The following TNRC6B variants were observed in gnomAD, a reference collection of about 807,000 sequenced individuals.
The protein encoded by TNRC6B is trinucleotide repeat containing adaptor 6B.
TNRC6B carries 52 observed loss-of-function variants against 203.6 expected under a neutral mutation model. The ratio of observed to expected loss-of-function variants is 0.26; its 90% CI spans 0.20 to 0.32. The LOEUF is 0.32. Ranked by LOEUF, TNRC6B falls within the 10% of genes least tolerant of loss-of-function variation. TNRC6B has a pLI of 1.00. For missense variants in TNRC6B, 1,923 were observed against 2,286.2 expected, an observed-to-expected ratio of 0.84 and a Z score of 3.24; for synonymous variants, 838 against 845.7, an observed-to-expected ratio of 0.99 and a Z score of 0.16.
intron 4 of TNRC6B, among the ~76,000 whole-genome samples, chr22:40,156,374 G>C (rs903104969): frequency 3.9e-5 from 6 of 152,282 alleles, no homozygotes; most frequent in Non-Finnish European, 2.9e-5. Flanking sequence ...GAAAGTTAGC[G>C]TTACAGTTTT....
intron 2 of TNRC6B, 83 bp from the exon 3 acceptor site, chr22:40,251,096 G>T (rs1378244550): frequency 3.4e-6 from 4 of 1,182,444 alleles, no homozygotes; most frequent in South Asian, 1.6e-5. Context: ...TGGATTACTT[G>T]AGTTATCAGA....
At chr22:40,274,463 C>T (rs1295524281) in intron 7 of TNRC6B, among the ~76,000 whole-genome samples, 1 of 151,288 alleles carries the variant, frequency 6.6e-6, no homozygotes, top group Non-Finnish European at 1.5e-5. Context: ...CTCTGTCGCC[C>T]AGGCTGGACT....
chr22:40,226,552 G>A (rs538587009), intron 1 of TNRC6B, among the ~76,000 whole-genome samples: 9 of 152,264 alleles, frequency 5.9e-5, no homozygotes, highest in African/African-American at 9.6e-5. Context: ...TTCTTAAAGC[G>A]TAGATCTGGA....
At chr22:40,277,190 CTT>C in intron 8 of TNRC6B, 39 bp downstream of exon 8, 1 of 1,494,922 alleles carries the variant, frequency 6.7e-7, no homozygotes, top group Non-Finnish European at 9.1e-7. Context: ...CGTATCCCAA[CTT>C]TTAGGTTTAA....
At chr22:40,144,987 T>A (rs1325005023) in intron 3 of TNRC6B, among the ~76,000 whole-genome samples, 1 of 150,150 alleles carries the variant, frequency 6.7e-6, no homozygotes, top group Non-Finnish European at 1.5e-5. Flanking sequence ...ATCCCAGCAC[T>A]TTGGGAGGCC....
rs150597642 is a variant in TNRC6B, at chr22:40,223,375, G to A, written c.6-22640G>A. On this transcript the variant is annotated intron_variant, in intron 1 of 22. Coordinates refer to ENST00000454349, the MANE Select transcript of TNRC6B (RefSeq NM_001162501.2). ...AGGCTGGACTTGAACTCTTGACCTC[G>A]TGATCCGCCTGCCTTGACCTCCCAA... 5.9e-4 allele frequency among the ~76,000 whole-genome samples: 90 copies of A among 152,264 alleles called. 1 individual carries two copies. The highest frequency in any genetic ancestry group is 1.0e-4 in the Non-Finnish European group (7 of 68,024).
At chr22:40,271,010 GTC>G in intron 6 of TNRC6B, among the ~76,000 whole-genome samples, 1 of 152,308 alleles carries the variant, frequency 6.6e-6, no homozygotes, top group Admixed American at 6.5e-5. Context: ...CTTTGCCGTT[GTC>G]TCTCTTCCAC....
intron 3 of TNRC6B, among the ~76,000 whole-genome samples, chr22:40,150,230 T>A (rs982963008): frequency 2.0e-5 from 3 of 151,906 alleles, no homozygotes; most frequent in African/African-American, 4.8e-5. Flanking sequence ...TACAAAAAAT[T>A]AGCCAGGCGT....
intron 2 of TNRC6B, among the ~76,000 whole-genome samples, chr22:40,117,817 C>T (rs2068404061): frequency 6.6e-6 from 1 of 152,018 alleles, no homozygotes; most frequent in Non-Finnish European, 1.5e-5. Context: ...ATTCTAAGAG[C>T]ACCTGTTGTT....
intron 1 of TNRC6B, among the ~76,000 whole-genome samples, chr22:40,094,099 TTAAAAA>T (rs1240415770): frequency 2.0e-5 from 3 of 152,114 alleles, no homozygotes; most frequent in Non-Finnish European, 4.4e-5. Context: ...CTCATAATAA[TTAAAAA>T]TAAAAAAAAT....
At chr22:40,143,991 A>C (rs1468845258) in intron 3 of TNRC6B, among the ~76,000 whole-genome samples, 1 of 152,238 alleles carries the variant, frequency 6.6e-6, no homozygotes, top group South Asian at 2.1e-4. Flanking sequence ...ATTCATGAGC[A>C]AAATACAAAT....
At chr22:40,300,043 TCTTA>T (rs2071001557) in intron 12 of TNRC6B, among the ~76,000 whole-genome samples, 1 of 152,248 alleles carries the variant, frequency 6.6e-6, no homozygotes, top group Non-Finnish European at 1.5e-5. Context: ...AATATATTTG[TCTTA>T]CTTGTAGCAC....
At position 40,196,848 on chromosome 22, in the gene TNRC6B, A is replaced by G. The variant is rs1374543388; in HGVS notation, c.5+18708A>G. Among the ~76,000 whole-genome samples, 3 of 152,080 alleles carry G rather than the reference A, an allele frequency of 2.0e-5. No individual in the cohort carries two copies. The East Asian group carries it at 5.8e-4, about 29-fold the overall frequency. On this transcript the variant is annotated intron_variant, in intron 1 of 22. Transcript: ENST00000454349. ...AAGGCTCTGGTCGGGGGGAAGGGAC[A>G]TGAACTGATTCATTAAGTGCCTATT...
intron 12 of TNRC6B, among the ~76,000 whole-genome samples, chr22:40,294,256 A>T (rs1009192123): frequency 3.2e-4 from 49 of 152,110 alleles, no homozygotes; most frequent in Admixed American, 2.6e-3. Context: ...CTGTCTCAAA[A>T]AATCAATCAG....
chr22:40,311,655 C>T (rs2071184462), intron 17 of TNRC6B, among the ~76,000 whole-genome samples: 1 of 152,028 alleles, frequency 6.6e-6, no homozygotes, highest in Non-Finnish European at 1.5e-5. Flanking sequence ...GATTCTCCTG[C>T]CTCAGCCTCC....
At chr22:40,145,089 T>TAAA (rs1401644411) in intron 3 of TNRC6B, among the ~76,000 whole-genome samples, 2,209 of 118,004 alleles carry the variant, frequency 0.019, 62 homozygotes, top group African/African-American at 0.084. Flanking sequence ...AAAAAAAAAT[T>TAAA]TTTTTAATTA....
At chr22:40,177,800 G>A, upstream of TNRC6B, 1 of 1,260,146 alleles carries the variant, frequency 7.9e-7, no homozygotes, top group Non-Finnish European at 1.0e-6. Context: ...GAAAGTGAGT[G>A]GAAAAGGGCT....
intron 15 of TNRC6B, 69 bp from the exon 16 acceptor site, chr22:40,308,443 C>T: frequency 6.3e-7 from 1 of 1,579,064 alleles, no homozygotes; most frequent in Non-Finnish European, 8.7e-7. Flanking sequence ...GAAGGCATTC[C>T]TGGACTCTGC....
chr22:40,150,617 G>T (rs1320433532), intron 3 of TNRC6B, among the ~76,000 whole-genome samples: 1 of 152,146 alleles, frequency 6.6e-6, no homozygotes, highest in African/African-American at 2.4e-5. Context: ...CAGAAGACTG[G>T]AAAGGCTGAA....
Sources: gnomAD v4.1 joint callset for allele counts (sites outside exome capture counted in the v4.1 genomes callset) on GRCh38, gnomAD v4.1.1 for gene constraint, MANE v1.5 for transcripts, NCBI Gene and HGNC (gene_info 2026-07-23, HGNC 2026-07-21) for gene names.